Variants in ZFHX3 observed in about 807,000 individuals in gnomAD.
ZFHX3 encodes zinc finger homeobox protein 3.
A neutral mutation model predicts 279.1 loss-of-function variants in ZFHX3; 42 were observed. The observed-to-expected ratio is 0.15, with a 90% CI of 0.12 to 0.19. The LOEUF (loss-of-function observed/expected upper bound fraction) is 0.19. Among genes scored for constraint, ZFHX3 ranks in the 10% least tolerant of loss-of-function variants. The pLI, the probability that ZFHX3 is intolerant of heterozygous loss-of-function variation, is 1.00. For synonymous variants in ZFHX3, 2,293 were observed against 1,957.8 expected (o/e 1.17, Z -4.52); for missense variants, 4,981 against 4,754.0 (o/e 1.05, Z -1.40).
intron 3 of ZFHX3, among the ~76,000 whole-genome samples, chr16:72,925,754 GC>G (rs1395630966): frequency 2.6e-5 from 4 of 152,234 alleles, no homozygotes; most frequent in Non-Finnish European, 5.9e-5. Context: ...TCACCTTCGG[GC>G]CTACTCCTTC....
At chr16:73,667,702 C>T (rs570119137) in intron 2 of ZFHX3, among the ~76,000 whole-genome samples, 15 of 152,302 alleles carry the variant, frequency 9.8e-5, no homozygotes, top group African/African-American at 3.4e-4. Context: ...AAGTTTAGCA[C>T]TAAATTTAGT....
At chr16:73,183,226 C>T (rs558180528) in intron 5 of ZFHX3, among the ~76,000 whole-genome samples, 1 of 152,160 alleles carries the variant, frequency 6.6e-6, no homozygotes, top group East Asian at 1.9e-4. Context: ...AAAAAATTAC[C>T]TCTTAGGTAC....
chr16:73,274,666 T>A (rs2014243858), intron 4 of ZFHX3, among the ~76,000 whole-genome samples: 1 of 152,212 alleles, frequency 6.6e-6, no homozygotes. Flanking sequence ...TCTGTTTAGT[T>A]CTTTAGCAAT....
intron 1 of ZFHX3, among the ~76,000 whole-genome samples, chr16:73,761,096 G>A (rs2053861029): frequency 6.6e-6 from 1 of 152,030 alleles, no homozygotes; most frequent in African/African-American, 2.4e-5. Flanking sequence ...CATCATCTCA[G>A]CCCAAAAGCT....
At chr16:73,180,078 C>T (rs971578200) in intron 5 of ZFHX3, among the ~76,000 whole-genome samples, 5 of 152,168 alleles carry the variant, frequency 3.3e-5, no homozygotes, top group Non-Finnish European at 7.4e-5. Context: ...CAGACTCCTA[C>T]GGGAAACTGT....
At chr16:73,712,702 C>T (rs2142228387) in intron 1 of ZFHX3, among the ~76,000 whole-genome samples, 1 of 152,286 alleles carries the variant, frequency 6.6e-6, no homozygotes, top group Middle Eastern at 3.4e-3. Context: ...AAAAGGAAAC[C>T]AAGTCAGGGC....
chr16:73,725,761 G>A (rs1196082908), intron 1 of ZFHX3, among the ~76,000 whole-genome samples: 1 of 152,106 alleles, frequency 6.6e-6, no homozygotes, highest in Non-Finnish European at 1.5e-5. Flanking sequence ...GGGATGGACA[G>A]TGCTTTCCCC....
intron 7 of ZFHX3, among the ~76,000 whole-genome samples, chr16:73,105,410 C>T (rs200329487): frequency 0.022 from 2,515 of 116,922 alleles, 133 homozygotes; most frequent in African/African-American, 0.061. Flanking sequence ...TATATATATA[C>T]ACACACACAT....
At chr16:73,118,283 G>T (rs951420358) in intron 7 of ZFHX3, among the ~76,000 whole-genome samples, 1 of 152,022 alleles carries the variant, frequency 6.6e-6, no homozygotes, top group African/African-American at 2.4e-5. Context: ...ATTTCGGCTC[G>T]CTGCAACCTC....
intron 1 of ZFHX3, among the ~76,000 whole-genome samples, chr16:73,887,394 A>T (rs539008878): frequency 1.3e-4 from 20 of 152,332 alleles, no homozygotes; most frequent in African/African-American, 4.3e-4. Context: ...ACAAACTCTT[A>T]AAACATTCCT....
In ZFHX3 at chr16:72,797,808, C is replaced by G; in HGVS notation, c.4874G>C (p.Arg1625Pro). The change falls in exon 9 of 10, where the codon CGG (arginine) becomes CCG (proline). Residue 1625 changes from arginine (R) to proline (P), a missense_variant. Around this residue, in one of 7 missense-constraint regions of ZFHX3, gnomAD observed 1,751 missense variants for 1,770.0 expected, o/e 0.99. Coordinates refer to ENST00000268489, the MANE Select transcript of ZFHX3 (RefSeq NM_006885.4). ...MRSVLHQTKA[R>P]AAKLEAASGS... is the part of the protein sequence containing the mutation. ...ACTTGCAGCCTCCAGCTTGGCTGCCCGGGCCTTGGTTTGATGTAACACAGA... is the reference window on the plus strand; with the variant it reads ...ACTTGCAGCCTCCAGCTTGGCTGCCGGGGCCTTGGTTTGATGTAACACAGA... 6.2e-7 allele frequency: 1 copy of G among 1,614,044 alleles called. No homozygotes were observed. The highest frequency in any genetic ancestry group is 8.5e-7 in the Non-Finnish European group (1 of 1,180,022).
intron 6 of ZFHX3, among the ~76,000 whole-genome samples, chr16:73,143,120 T>A (rs1966851811): frequency 6.6e-6 from 1 of 152,008 alleles, no homozygotes; most frequent in Non-Finnish European, 1.5e-5. Context: ...GCCAACCTTG[T>A]TTCCCCCCTT....
intron 2 of ZFHX3, among the ~76,000 whole-genome samples, chr16:73,563,277 A>C (rs2020402328): frequency 7.1e-6 from 1 of 141,482 alleles, no homozygotes; most frequent in African/African-American, 2.7e-5. Flanking sequence ...TCACTCTGCC[A>C]CCCGGGCTGG....
chr16:73,412,389 C>T (rs2017488924), intron 3 of ZFHX3, among the ~76,000 whole-genome samples: 1 of 151,740 alleles, frequency 6.6e-6, no homozygotes, highest in African/African-American at 2.4e-5. Context: ...GAAGTCCCTG[C>T]ACTAGTGCAC....
chr16:72,851,502 C>A (rs1035325048), intron 4 of ZFHX3, among the ~76,000 whole-genome samples: 2 of 152,064 alleles, frequency 1.3e-5, no homozygotes, highest in Admixed American at 1.3e-4. Context: ...TGTCTAAATT[C>A]CTCTCTGGGG....
rs112435855 is a variant in ZFHX3 at position 73,238,925 on chromosome 16, G to A, written c.-1104+18122C>T. 8.7e-3 allele frequency among the ~76,000 whole-genome samples: 1,320 copies of A among 151,882 alleles called. 13 individuals are homozygous for A. The highest frequency in any genetic ancestry group is 0.012 in the Non-Finnish European group (825 of 67,976). Reference sequence around the variant, plus strand: ...TTCCAGCAAGAAGCATTTCTCCCCCGACCGAAACCTCCCATGCTGGGTTAC... The same window carrying A: ...TTCCAGCAAGAAGCATTTCTCCCCCAACCGAAACCTCCCATGCTGGGTTAC... On this transcript the variant is annotated intron_variant, in intron 5 of 17. Coordinates refer to the ZFHX3 transcript ENST00000641206.
At chr16:73,280,456 G>C (rs1398169672) in intron 4 of ZFHX3, among the ~76,000 whole-genome samples, 1 of 152,148 alleles carries the variant, frequency 6.6e-6, no homozygotes, top group Non-Finnish European at 1.5e-5. Context: ...GAACTAAGTT[G>C]ACATTTCTCC....
chr16:72,995,872 C>T (rs999960470), intron 1 of ZFHX3, among the ~76,000 whole-genome samples: 1 of 152,150 alleles, frequency 6.6e-6, no homozygotes. Context: ...CACAAATAAA[C>T]GTCGGTATTT....
chr16:73,649,725 A>G (rs76836666), intron 2 of ZFHX3, among the ~76,000 whole-genome samples: 9,582 of 152,232 alleles, frequency 0.063, 1,003 homozygotes, highest in African/African-American at 0.22. Context: ...CTTATCTAAT[A>G]ATGAGTTCTG....
Sources: gnomAD v4.1 joint callset for allele counts (sites outside exome capture counted in the v4.1 genomes callset) on GRCh38, gnomAD v4.1.1 for gene constraint, gnomAD v4.1.1 regional missense constraint, MANE v1.5 for transcripts, NCBI Gene and HGNC (gene_info 2026-07-23, HGNC 2026-07-21) for gene names.